ZNF613: variants seen among roughly 807,000 people sequenced by gnomAD.
ZNF613 encodes the protein zinc finger protein 613.
A neutral mutation model predicts 14.3 loss-of-function variants in ZNF613; 8 were observed. The observed-to-expected ratio is 0.56, with a 90% CI of 0.33 to 1.01. ZNF613 has a LOEUF of 1.01. ZNF613 is among the 50% of genes least tolerant of loss of function. ZNF613 has a pLI of 0.03. For missense variants in ZNF613, 656 were observed against 741.9 expected, an observed-to-expected ratio of 0.88 and a Z score of 1.35; for synonymous variants, 228 against 254.5, an observed-to-expected ratio of 0.90 and a Z score of 0.99.
intron 2 of ZNF613, among the ~76,000 whole-genome samples, chr19:51,935,343 T>C (rs959897327): frequency 1.3e-5 from 2 of 152,194 alleles, no homozygotes; most frequent in African/African-American, 4.8e-5. Flanking sequence ...CTCAAGGTAG[T>C]AGCAAAGAGA....
intron 2 of ZNF613, among the ~76,000 whole-genome samples, chr19:51,934,410 C>T (rs1425871358): frequency 1.3e-5 from 2 of 152,140 alleles, no homozygotes; most frequent in Non-Finnish European, 2.9e-5. Context: ...CCCCTTTCCT[C>T]TCCTCCATCC....
intron 2 of ZNF613, among the ~76,000 whole-genome samples, chr19:51,932,390 G>A (rs1340641105): frequency 7.1e-5 from 10 of 141,152 alleles, no homozygotes; most frequent in African/African-American, 2.6e-4. Flanking sequence ...GCTCACTGCA[G>A]CCTCTGCCTC....
At chr19:51,935,411 T>C (rs2085298420) in intron 2 of ZNF613, among the ~76,000 whole-genome samples, 1 of 152,246 alleles carries the variant, frequency 6.6e-6, no homozygotes, top group East Asian at 1.9e-4. Flanking sequence ...GCTAAGGTCA[T>C]GTTCTTGGAG....
In ZNF613 at chr19:51,940,138, C is replaced by T. The variant is rs1256780420; in HGVS notation, c.16-71C>T. On this transcript the variant is annotated intron_variant, in intron 3 of 5. Coordinates refer to ENST00000293471, the MANE Select transcript of ZNF613 (RefSeq NM_001031721.4). ...GACTATTTGGTAAAAATGAGCAGAA[C>T]AATGTTCTTCACATTTCTTCCATAT... is the stretch of plus-strand genomic sequence containing the variant. 2.5e-6 allele frequency: 4 copies of T among 1,576,234 alleles called. No individual in the cohort carries two copies. In the Admixed American group the frequency reaches 6.7e-5, roughly 27 times the overall value.
intron 1 of ZNF613, among the ~76,000 whole-genome samples, chr19:51,928,334 A>G (rs904107225): frequency 1.3e-5 from 2 of 152,190 alleles, no homozygotes; most frequent in Non-Finnish European, 2.9e-5. Flanking sequence ...TGACCATGTT[A>G]GGGAGGTCTA....
At chr19:51,934,418 T>G (rs2085290607) in intron 2 of ZNF613, among the ~76,000 whole-genome samples, 1 of 152,104 alleles carries the variant, frequency 6.6e-6, no homozygotes. Context: ...CTCTCCTCCA[T>G]CCCTAGGGAT....
Position 51,936,121 on chromosome 19 carries a change from A to T in ZNF613, c.-100A>T. 4 of 1,306,480 alleles carry T rather than the reference A, an allele frequency of 3.1e-6. No individual in the cohort carries two copies. Among genetic ancestry groups the T allele is most frequent in the Non-Finnish European group, 4.2e-6 (4 of 944,072 alleles). 80.9% of individuals were successfully genotyped at this position (1,306,480 alleles called of 1,614,324 possible). ...ACCATCCTTTGCAGGGATGTAATTC[A>T]CCAGAGACCAAGATTTCTAGCCAGA... is the stretch of plus-strand genomic sequence containing the variant. On this transcript the variant is annotated 5_prime_UTR_variant, in exon 3 of 6. Transcript: ENST00000293471.
At chr19:51,935,753 A>G (rs908319593) in intron 2 of ZNF613, among the ~76,000 whole-genome samples, 2 of 152,130 alleles carry the variant, frequency 1.3e-5, no homozygotes, top group African/African-American at 4.8e-5. Flanking sequence ...TTGCAGCATC[A>G]TGTTGGTGCT....
rs759617622 is a variant in ZNF613 at position 51,940,316 on chromosome 19, T to C, written c.123T>C (p.Tyr41=). 1.9e-6 allele frequency: 3 copies of C among 1,613,530 alleles called. No individual in the cohort carries two copies. In the South Asian group the frequency reaches 3.3e-5, roughly 18 times the overall value. ...DLYRDVMLEN[Y]SNLVSVGYQA... Reference sequence around the variant, plus strand: ...ACCGAGACGTGATGTTGGAGAACTATAGCAACCTCGTGTCAGTGGGTGAGG... The same window carrying C: ...ACCGAGACGTGATGTTGGAGAACTACAGCAACCTCGTGTCAGTGGGTGAGG... Residue 41 remains tyrosine (Y), a synonymous_variant, in exon 4 of 6, where the codon TAT becomes TAC. Coordinates refer to ENST00000293471, the MANE Select transcript of ZNF613 (RefSeq NM_001031721.4).
In ZNF613 at chr19:51,944,990, G is replaced by T; in HGVS notation, c.1107G>T (p.Glu369Asp). The stretch of plus-strand genomic sequence containing the variant: ...CACATCAGAAAGCTCACACAGGAGA[G>T]AAGTCATATATATGCCGTGATTGTG... Reference protein sequence around the residue: ...LNAHQKAHTGEKSYICRDCGK... With the variant: ...LNAHQKAHTGDKSYICRDCGK... Residue 369 changes from glutamate (E) to aspartate (D), a missense_variant, in exon 6 of 6, where the codon GAG becomes GAT. Physicochemically the swap from Glu to Asp is conservative, Grantham distance 45. Transcript: ENST00000293471. The T allele has an allele frequency of 6.2e-7, 1 of 1,614,212 alleles. No individual in the cohort carries two copies. The highest frequency in any genetic ancestry group is 8.5e-7 in the Non-Finnish European group (1 of 1,180,042).
At chr19:51,939,338 ATTTAT>A (rs1483950981) in intron 3 of ZNF613, among the ~76,000 whole-genome samples, 2 of 151,154 alleles carry the variant, frequency 1.3e-5, no homozygotes, top group Middle Eastern at 3.4e-3. Flanking sequence ...TTATTTATGT[ATTTAT>A]TTTGAGATGA....
At chr19:51,940,388 C>A (rs1440940090) in intron 4 of ZNF613, 53 bp downstream of exon 4, 2 of 1,612,092 alleles carry the variant, frequency 1.2e-6, no homozygotes, top group Admixed American at 1.7e-5. Context: ...AAGGCCTTTG[C>A]TTTCTCAGCT....
At chr19:51,931,800 C>T (rs1457434230) in intron 2 of ZNF613, among the ~76,000 whole-genome samples, 2 of 152,164 alleles carry the variant, frequency 1.3e-5, no homozygotes, top group South Asian at 2.1e-4. Flanking sequence ...ATGTGCTTTC[C>T]GTCTCTTTTT....
At chr19:51,937,564 C>T (rs1014266158) in intron 3 of ZNF613, among the ~76,000 whole-genome samples, 3 of 152,130 alleles carry the variant, frequency 2.0e-5, no homozygotes, top group Admixed American at 6.5e-5. Flanking sequence ...ATGTCTCTGA[C>T]TGTCATCACA....
chr19:51,940,130 G>A, intron 3 of ZNF613, 79 bp from the exon 4 acceptor site: 2 of 1,559,344 alleles, frequency 1.3e-6, no homozygotes, highest in Non-Finnish European at 1.8e-6. Context: ...TGGTAAAAAT[G>A]AGCAGAACAA....
chr19:51,943,636 A>G (rs1203585504), intron 5 of ZNF613, among the ~76,000 whole-genome samples: 1 of 152,164 alleles, frequency 6.6e-6, no homozygotes, highest in Non-Finnish European at 1.5e-5. Context: ...CCTAGTTTGT[A>G]AACTTTATTA....
At chr19:51,929,547 C>A (rs2085247119) in intron 1 of ZNF613, among the ~76,000 whole-genome samples, 185 bp from the exon 2 acceptor site, 1 of 152,162 alleles carries the variant, frequency 6.6e-6, no homozygotes, top group Non-Finnish European at 1.5e-5. Context: ...ACTGAACAAA[C>A]TTCCCTGTTC....
chr19:51,939,853 A>T (rs2085333388), intron 3 of ZNF613, among the ~76,000 whole-genome samples: 2 of 151,972 alleles, frequency 1.3e-5, no homozygotes, highest in African/African-American at 4.8e-5. Flanking sequence ...ATAAAGAAGT[A>T]TGCTTTATTC....
rs201110451 is a variant in ZNF613 at position 51,940,269 on chromosome 19, G to A, written c.76G>A (p.Gly26Ser). 43 of 1,613,752 alleles carry A rather than the reference G, an allele frequency of 2.7e-5. No individual in the cohort carries two copies. Among genetic ancestry groups the A allele is most frequent in the African/African-American group, 1.2e-4 (9 of 74,968 alleles). The change falls in exon 4 of 6, where the codon GGC becomes AGC. Residue 26 changes from glycine to serine, a missense_variant. Coordinates refer to ENST00000293471, the MANE Select transcript of ZNF613 (RefSeq NM_001031721.4). ...EFTWEEWQLLGPAQKDLYRDV... is the reference protein window; with the variant it reads ...EFTWEEWQLLSPAQKDLYRDV... ...CACTTGGGAGGAGTGGCAGCTCCTC[G>A]GCCCTGCTCAGAAGGACCTGTACCG...
Sources: gnomAD v4.1 joint callset for allele counts (sites outside exome capture counted in the v4.1 genomes callset) on GRCh38, gnomAD v4.1.1 for gene constraint, MANE v1.5 for transcripts, NCBI Gene and HGNC (gene_info 2026-07-23, HGNC 2026-07-21) for gene names.